ADAMTS18: variants seen among roughly 807,000 people sequenced by gnomAD.
The protein encoded by ADAMTS18 is ADAM metallopeptidase with thrombospondin type 1 motif 18.
A neutral mutation model predicts 165.9 loss-of-function variants in ADAMTS18; 157 were observed. The observed-to-expected ratio is 0.95, with a 90% CI of 0.83 to 1.08. The LOEUF is 1.08. Ranked by LOEUF, ADAMTS18 falls within the 50% of genes least tolerant of loss-of-function variation. The probability of loss-of-function intolerance (pLI) is 0.00; values close to 1 mark genes in which losing one functional copy is unlikely to be tolerated. For missense variants in ADAMTS18, 2,040 were observed against 1,534.0 expected, an observed-to-expected ratio of 1.33 and a Z score of -5.51; for synonymous variants, 782 against 578.2, an observed-to-expected ratio of 1.35 and a Z score of -5.06.
chr16:77,310,982 G>C (rs148395640), intron 16 of ADAMTS18, among the ~76,000 whole-genome samples: 1,606 of 152,200 alleles, frequency 0.011, 19 homozygotes, highest in Non-Finnish European at 0.017. Flanking sequence ...GACAATGAGA[G>C]GAAGTGAACA....
chr16:77,381,785 G>T (rs1026408172), intron 3 of ADAMTS18, among the ~76,000 whole-genome samples: 2 of 152,176 alleles, frequency 1.3e-5, no homozygotes, highest in East Asian at 3.9e-4. Flanking sequence ...CTGGGTGACA[G>T]AGCGAGACTC....
At chr16:77,433,330 A>G (rs1464784061) in intron 2 of ADAMTS18, 1 of 152,232 alleles carries the variant, frequency 6.6e-6, no homozygotes, top group Non-Finnish European at 1.5e-5. Context: ...GGAACCAGCC[A>G]TCAAACGGCC....
At chr16:77,388,086 G>C (rs1391760685) in intron 3 of ADAMTS18, among the ~76,000 whole-genome samples, 2 of 152,166 alleles carry the variant, frequency 1.3e-5, no homozygotes, top group East Asian at 3.9e-4. Context: ...TGCAAGGCTA[G>C]ATTCACCTAC....
At chr16:77,404,150 C>G (rs192633660) in intron 3 of ADAMTS18, among the ~76,000 whole-genome samples, 1 of 152,148 alleles carries the variant, frequency 6.6e-6, no homozygotes, top group East Asian at 1.9e-4. Context: ...ACTGTGTCTC[C>G]TAACAGGAGG....
chr16:77,293,634 C>T (rs541395719), intron 19 of ADAMTS18, among the ~76,000 whole-genome samples: 1 of 151,690 alleles, frequency 6.6e-6, no homozygotes, highest in Non-Finnish European at 1.5e-5. Context: ...TATCAGTCTC[C>T]AATTTCTTTG....
chr16:77,410,063 T>C (rs539699819), intron 3 of ADAMTS18, among the ~76,000 whole-genome samples: 2 of 152,130 alleles, frequency 1.3e-5, no homozygotes, highest in Non-Finnish European at 2.9e-5. Context: ...CTATTTTGAC[T>C]AAAAGCCATG....
At chr16:77,318,330 T>A (rs980754933) in intron 16 of ADAMTS18, among the ~76,000 whole-genome samples, 1 of 152,150 alleles carries the variant, frequency 6.6e-6, no homozygotes, top group Non-Finnish European at 1.5e-5. Context: ...AAAAACCATA[T>A]AATGACAAGT....
chr16:77,360,989 G>A (rs2056704565), intron 7 of ADAMTS18, among the ~76,000 whole-genome samples: 1 of 152,140 alleles, frequency 6.6e-6, no homozygotes, highest in Non-Finnish European at 1.5e-5. Context: ...TGGAGGCTGA[G>A]GCAGGAGAAT....
Position 77,431,390 on chromosome 16 carries a change from C to T in ADAMTS18, c.400G>A (p.Glu134Lys). ...VQVLGKDGAS[E>K]TQKPEVQQCF... is the part of the protein sequence containing the mutation. ...TGCTGCACCTCGGGTTTCTGAGTCTCTGAAGCACCATCTTTTCCAAGTACC... is the reference window on the plus strand; with the variant it reads ...TGCTGCACCTCGGGTTTCTGAGTCTTTGAAGCACCATCTTTTCCAAGTACC... Residue 134 changes from glutamate (E) to lysine (K), a missense_variant, in exon 3 of 23, where the codon GAG becomes AAG. Glu to Lys is a moderately conservative substitution (Grantham distance 56). Transcript: ENST00000282849. 3 of 1,614,156 alleles carry T rather than the reference C, an allele frequency of 1.9e-6. No homozygotes were observed. Among genetic ancestry groups the T allele is most frequent in the Non-Finnish European group, 2.5e-6 (3 of 1,180,040 alleles).
chr16:77,428,957 G>C (rs923077190), intron 3 of ADAMTS18, among the ~76,000 whole-genome samples: 1 of 152,100 alleles, frequency 6.6e-6, no homozygotes, highest in African/African-American at 2.4e-5. Context: ...GCATATACAA[G>C]AATGTTCAGT....
At chr16:77,359,168 G>C in intron 8 of ADAMTS18, 150 bp downstream of exon 8, 1 of 728,690 alleles carries the variant, frequency 1.4e-6, no homozygotes, top group Non-Finnish European at 2.4e-6. Context: ...CTAGCCTTTA[G>C]TGAGCCCTTT....
chr16:77,335,713 A>C lies in ADAMTS18; in HGVS notation c.1859+43T>G. On this transcript the variant is annotated intron_variant, in intron 12 of 22. Coordinates refer to ENST00000282849, the MANE Select transcript of ADAMTS18 (RefSeq NM_199355.4). ...GAAAAACCAGCGTGTTACAGGCTGA[A>C]GGTTAAGGCCTTGCAAAGACTAACT... 3 of 1,613,244 alleles carry C rather than the reference A, an allele frequency of 1.9e-6. No homozygotes were observed. In the African/African-American group the frequency reaches 4.0e-5, roughly 21 times the overall value.
At chr16:77,430,407 C>T (rs139088116) in intron 3 of ADAMTS18, among the ~76,000 whole-genome samples, 3 of 152,200 alleles carry the variant, frequency 2.0e-5, no homozygotes, top group Admixed American at 1.3e-4. Flanking sequence ...TTCACCCGTA[C>T]CCAAGCCACC....
intron 18 of ADAMTS18, among the ~76,000 whole-genome samples, chr16:77,296,732 A>G (rs749806985): frequency 5.9e-5 from 9 of 152,072 alleles, no homozygotes; most frequent in Non-Finnish European, 1.2e-4. Context: ...AGGCACAATA[A>G]TTGCTTGAAT....
chr16:77,433,243 T>C (rs2057759952), intron 2 of ADAMTS18: 1 of 152,208 alleles, frequency 6.6e-6, no homozygotes, highest in South Asian at 2.1e-4. Flanking sequence ...TCTCACCTTC[T>C]TGTCCCAAAT....
chr16:77,420,931 G>A (rs1004466093), intron 3 of ADAMTS18, among the ~76,000 whole-genome samples: 5 of 152,174 alleles, frequency 3.3e-5, no homozygotes, highest in Non-Finnish European at 5.9e-5. Flanking sequence ...TGAACCCATA[G>A]ACACTAAAAA....
At chr16:77,315,576 T>C (rs1182241846) in intron 16 of ADAMTS18, among the ~76,000 whole-genome samples, 4 of 152,184 alleles carry the variant, frequency 2.6e-5, no homozygotes, top group Non-Finnish European at 4.4e-5. Context: ...ACAAATTCCA[T>C]GATATCTGTG....
At chr16:77,387,587 C>T (rs1286038427) in intron 3 of ADAMTS18, among the ~76,000 whole-genome samples, 1 of 152,186 alleles carries the variant, frequency 6.6e-6, no homozygotes, top group Admixed American at 6.5e-5. Flanking sequence ...CATTTGAATG[C>T]AAACTGCTTC....
At position 77,320,076 on chromosome 16, in the gene ADAMTS18, G is replaced by C. The variant is rs9930984; in HGVS notation, c.2305C>G (p.Leu769Val). ...HKANEYYPVVLIPAGARSIEI... is the reference protein window; with the variant it reads ...HKANEYYPVVVIPAGARSIEI... The stretch of plus-strand genomic sequence containing the variant: ...ATGCTTCGGGCGCCAGCTGGAATGA[G>C]GACCACCGGATAATATTCTAAATGG... The change falls in exon 16 of 23, where the codon CTC (leucine) becomes GTC (valine). Residue 769 changes from leucine to valine, a missense_variant. Transcript: ENST00000282849. 1.2e-6 allele frequency: 2 copies of C among 1,613,726 alleles called. No homozygotes were observed. Among genetic ancestry groups the C allele is most frequent in the South Asian group, 1.1e-5 (1 of 91,052 alleles).
Sources: gnomAD v4.1 joint callset for allele counts (sites outside exome capture counted in the v4.1 genomes callset) on GRCh38, gnomAD v4.1.1 for gene constraint, MANE v1.5 for transcripts, NCBI Gene and HGNC (gene_info 2026-07-23, HGNC 2026-07-21) for gene names.